Variants in ATPAF1 observed in about 807,000 individuals in gnomAD.
The protein encoded by ATPAF1 is homolog of yeast ATP11.
In ATPAF1, 26 loss-of-function variants were observed where a neutral mutation model predicts 43.9. The observed-to-expected ratio is 0.59, with a 90% CI of 0.43 to 0.82. ATPAF1 has a LOEUF of 0.82. Among genes scored for constraint, ATPAF1 ranks in the 40% least tolerant of loss-of-function variants. The pLI is 0.00. For missense variants in ATPAF1, 366 were observed against 435.0 expected, an observed-to-expected ratio of 0.84 and a Z score of 1.41; for synonymous variants, 157 against 168.0, an observed-to-expected ratio of 0.93 and a Z score of 0.50.
intron 6 of ATPAF1, among the ~76,000 whole-genome samples, chr1:46,646,719 A>G (rs1445582919): frequency 5.3e-5 from 8 of 152,216 alleles, no homozygotes; most frequent in Non-Finnish European, 1.2e-4. Flanking sequence ...GAAATACAAC[A>G]AAGTGCACAT....
chr1:46,665,688 C>T lies in ATPAF1; in HGVS notation c.267-324G>A. ...ATTTTGAGGTCATCTTGCTGGATCA[C>T]CTCTTCAGACAAGAATCCTATAGCC... On this transcript the variant is annotated intron_variant, in intron 1 of 8. Coordinates refer to ENST00000574428, the Ensembl canonical transcript of ATPAF1. The T allele has an allele frequency of 2.6e-6, 4 of 1,535,456 alleles. No individual in the cohort carries two copies. The South Asian group carries it at 4.8e-5, about 18-fold the overall frequency.
intron 8 of ATPAF1, among the ~76,000 whole-genome samples, chr1:46,639,362 CCTG>C (rs776024396): frequency 6.6e-6 from 1 of 152,168 alleles, no homozygotes; most frequent in Non-Finnish European, 1.5e-5. Context: ...TAGGCTAACT[CCTG>C]CTGTTTGAAG....
At chr1:46,664,975 A>C in intron 2 of ATPAF1, 1 of 336,602 alleles carries the variant, frequency 3.0e-6, no homozygotes, top group Non-Finnish European at 5.4e-6. Flanking sequence ...ATTTTCTCTG[A>C]TACCTCTAGC....
intron 2 of ATPAF1, among the ~76,000 whole-genome samples, chr1:46,661,933 C>T (rs1022133934): frequency 6.8e-6 from 1 of 147,610 alleles, no homozygotes. Flanking sequence ...CTCACTCTGT[C>T]GTCCAGGCTG....
chr1:46,660,069 C>T (rs530251055), intron 2 of ATPAF1, among the ~76,000 whole-genome samples: 1 of 151,980 alleles, frequency 6.6e-6, no homozygotes, highest in South Asian at 2.1e-4. Context: ...CTCTGCCTCC[C>T]AGGTTCAAGT....
At chr1:46,634,252 C>T (rs755206400), downstream of ATPAF1, 5 of 207,014 alleles carry the variant, frequency 2.4e-5, no homozygotes, top group Non-Finnish European at 4.8e-5. Context: ...AATTCCCACT[C>T]ACCACATTCA....
intron 6 of ATPAF1, among the ~76,000 whole-genome samples, chr1:46,650,278 C>T (rs1391797415): frequency 1.3e-5 from 2 of 151,318 alleles, no homozygotes; most frequent in Non-Finnish European, 2.9e-5. Context: ...AATCCCAGCA[C>T]TTCGGGAGTC....
At chr1:46,654,219 CAG>C (rs1335044418) in intron 4 of ATPAF1, among the ~76,000 whole-genome samples, 4 of 152,096 alleles carry the variant, frequency 2.6e-5, no homozygotes, top group African/African-American at 9.7e-5. Flanking sequence ...TGAGCCTTCC[CAG>C]AGAGTCAGGA....
Position 46,664,189 on chromosome 1 carries a change from T to A in ATPAF1, c.375+1067A>T, listed in dbSNP as rs369020308. 7.1e-4 allele frequency among the ~76,000 whole-genome samples: 108 copies of A among 152,370 alleles called. 1 individual carries two copies. Among genetic ancestry groups the A allele is most frequent in the African/African-American group, 2.4e-3 (100 of 41,586 alleles). On this transcript the variant is annotated intron_variant, in intron 2 of 8. Transcript: ENST00000574428. Reference sequence around the variant, plus strand: ...AGAATAATCTTCCCAGACACAGTTTTCAACATGCTTTTCCTCAGCTTTGAT... The same window carrying A: ...AGAATAATCTTCCCAGACACAGTTTACAACATGCTTTTCCTCAGCTTTGAT...
At chr1:46,652,598 C>T (rs775981236) in exon 6 of ATPAF1, 1 of 1,613,256 alleles carries the variant, frequency 6.2e-7, no homozygotes, top group South Asian at 1.1e-5. Flanking sequence ...CAGGACTGAG[C>T]CCGGTTCCAG....
At chr1:46,664,567 G>A (rs1676454873) in intron 2 of ATPAF1, 1 of 152,264 alleles carries the variant, frequency 6.6e-6, no homozygotes, top group Admixed American at 6.5e-5. Context: ...ATAGTACCTT[G>A]CTGTCTCCTG....
downstream of ATPAF1, chr1:46,632,852 A>C (rs907483767): frequency 6.6e-6 from 1 of 152,656 alleles, no homozygotes; most frequent in Non-Finnish European, 1.5e-5. Flanking sequence ...CAAGGAGCTC[A>C]CAGTCTAGTG....
Position 46,663,602 on chromosome 1 carries a change from T to C in ATPAF1, c.375+1654A>G, listed in dbSNP as rs75760534. ...TCTTCTTTTGAGAAGTGTCTGTTCGTATCCTTTGTCCACTTTTTGATGGGG... is the reference window on the plus strand; with the variant it reads ...TCTTCTTTTGAGAAGTGTCTGTTCGCATCCTTTGTCCACTTTTTGATGGGG... On this transcript the variant is annotated intron_variant, in intron 2 of 8. Transcript: ENST00000574428. 2.4e-4 allele frequency among the ~76,000 whole-genome samples: 36 copies of C among 151,500 alleles called. No homozygotes were observed. In the East Asian group the frequency reaches 6.1e-3, roughly 26 times the overall value.
intron 7 of ATPAF1, among the ~76,000 whole-genome samples, chr1:46,644,950 G>C (rs1676013013): frequency 6.6e-6 from 1 of 152,236 alleles, no homozygotes. Context: ...GAAGTAGTCA[G>C]AGAAGGTGTT....
chr1:46,665,828 A>G, intron 1 of ATPAF1: 2 of 1,432,526 alleles, frequency 1.4e-6, no homozygotes, highest in Middle Eastern at 2.5e-4. Context: ...GGCTTTAGGT[A>G]GCCTATTTTG....
At chr1:46,663,345 A>G (rs931715179) in intron 2 of ATPAF1, among the ~76,000 whole-genome samples, 5 of 152,162 alleles carry the variant, frequency 3.3e-5, no homozygotes, top group African/African-American at 4.8e-5. Context: ...CTAGATCCCT[A>G]AGGAATCGCC....
Position 46,654,011 on chromosome 1 carries a change from G to C in ATPAF1, c.490-144C>G, listed in dbSNP as rs558751192. On this transcript the variant is annotated intron_variant, in intron 4 of 8. Transcript: ENST00000574428. Reference sequence around the variant, plus strand: ...ACCCAGTATAACGCTTTCATTACTAGCACATCACAAAAAAGATTTAATACA... The same window carrying C: ...ACCCAGTATAACGCTTTCATTACTACCACATCACAAAAAAGATTTAATACA... The C allele has an allele frequency of 4.9e-6, 3 of 609,572 alleles. No individual in the cohort carries two copies. The East Asian group carries it at 8.9e-5, about 18-fold the overall frequency. 37.8% of individuals were successfully genotyped at this position (609,572 alleles called of 1,614,324 possible). A position where few individuals can be genotyped will look rare whatever the true frequency, so the allele number is the denominator to read the frequency against.
chr1:46,659,961 A>G (rs1676355975), intron 2 of ATPAF1, among the ~76,000 whole-genome samples: 1 of 150,632 alleles, frequency 6.6e-6, no homozygotes, highest in Admixed American at 6.7e-5. Context: ...AAAGGAGTTA[A>G]TTTCATTTTC....
intron 2 of ATPAF1, among the ~76,000 whole-genome samples, chr1:46,661,008 A>G (rs540332497): frequency 6.6e-6 from 1 of 151,652 alleles, no homozygotes; most frequent in East Asian, 1.9e-4. Flanking sequence ...CAACTACTAT[A>G]TAACTTGAAA....
Sources: allele counts gnomAD v4.1 joint callset (sites outside exome capture counted in the v4.1 genomes callset), GRCh38; gene constraint gnomAD v4.1.1; transcripts MANE v1.5; gene names NCBI Gene and HGNC (gene_info 2026-07-23, HGNC 2026-07-21).